MEI4: variants seen among roughly 807,000 people sequenced by gnomAD.
MEI4 encodes the protein meiotic double-stranded break formation protein 4.
MEI4 carries 27 observed loss-of-function variants against 31.4 expected under a neutral mutation model. That is an observed-to-expected ratio of 0.86 (90% confidence interval 0.63 to 1.19). The LOEUF is 1.19. Ranked by LOEUF, MEI4 falls within the 50% of genes most tolerant of loss-of-function variation. The pLI, the probability that MEI4 is intolerant of heterozygous loss-of-function variation, is 0.00. For synonymous variants in MEI4, 122 were observed against 145.4 expected (o/e 0.84, Z 1.16); for missense variants, 329 against 398.9 (o/e 0.82, Z 1.49).
chr6:77,859,060 C>G (rs1221672537), intron 4 of MEI4, among the ~76,000 whole-genome samples: 2 of 152,130 alleles, frequency 1.3e-5, no homozygotes, highest in Admixed American at 6.5e-5. Context: ...GTGTGTTGTT[C>G]CCCTGTCTGT....
At chr6:77,750,628 T>C (rs1767744679) in intron 2 of MEI4, among the ~76,000 whole-genome samples, 1 of 152,124 alleles carries the variant, frequency 6.6e-6, no homozygotes, top group South Asian at 2.1e-4. Context: ...AGCAAGTTCT[T>C]AGCGACCTAC....
intron 2 of MEI4, among the ~76,000 whole-genome samples, chr6:77,756,927 C>T (rs1054509040): frequency 3.9e-5 from 6 of 152,144 alleles, no homozygotes; most frequent in Admixed American, 2.6e-4. Flanking sequence ...AGAGACAGGG[C>T]CTCTGGCCTT....
At chr6:77,793,563 C>G (rs1444547363) in intron 3 of MEI4, among the ~76,000 whole-genome samples, 1 of 151,944 alleles carries the variant, frequency 6.6e-6, no homozygotes, top group East Asian at 1.9e-4. Flanking sequence ...AGAAAATTGT[C>G]AAATATAATT....
chr6:77,665,595 C>T (rs111341290), intron 1 of MEI4, among the ~76,000 whole-genome samples: 6 of 152,290 alleles, frequency 3.9e-5, no homozygotes, highest in Admixed American at 1.3e-4. Flanking sequence ...GGTGTCCCTG[C>T]GTGGTCTGAC....
intron 2 of MEI4, among the ~76,000 whole-genome samples, chr6:77,752,499 C>G (rs955067488): frequency 6.6e-6 from 1 of 151,958 alleles, no homozygotes; most frequent in Non-Finnish European, 1.5e-5. Context: ...GAGTGAACTC[C>G]CATTCACAAT....
chr6:77,901,558 C>A (rs1002122723), intron 4 of MEI4, among the ~76,000 whole-genome samples: 3 of 151,858 alleles, frequency 2.0e-5, no homozygotes, highest in African/African-American at 7.2e-5. Flanking sequence ...TTTAATCAGG[C>A]TGTTTATTTT....
chr6:77,922,598 A>G (rs912759847), intron 4 of MEI4, among the ~76,000 whole-genome samples: 3 of 151,680 alleles, frequency 2.0e-5, no homozygotes, highest in Non-Finnish European at 2.9e-5. Flanking sequence ...TCTCATGACT[A>G]TGTATATGAT....
chr6:77,783,962 A>T (rs1327519077), intron 3 of MEI4, among the ~76,000 whole-genome samples: 1 of 152,162 alleles, frequency 6.6e-6, no homozygotes, highest in Non-Finnish European at 1.5e-5. Flanking sequence ...TAGCAATCTA[A>T]TCTTAAATAA....
chr6:77,733,047 T>G (rs1014171285), intron 2 of MEI4, among the ~76,000 whole-genome samples: 1 of 151,938 alleles, frequency 6.6e-6, no homozygotes, highest in Non-Finnish European at 1.5e-5. Context: ...TATTGAGGAT[T>G]TTTGCATCAA....
In MEI4 at chr6:77,924,798, A is replaced by G. The variant is rs552984122; in HGVS notation, c.*1452A>G. 4 of 151,938 alleles carry G rather than the reference A, an allele frequency of 2.6e-5. No individual in the cohort carries two copies. The highest frequency in any genetic ancestry group is 3.4e-3 in the Middle Eastern group (1 of 294). The allele number at this position is 151,938 out of a possible 1,614,324, so 9.4% of individuals were successfully genotyped here. ...CCACATGCATTGTCAAAGTACATCA[A>G]ATGGTCAAGCCCAAAGAAAAGTGAC... On this transcript the variant is annotated 3_prime_UTR_variant, in exon 5 of 5. Coordinates refer to ENST00000684080, the MANE Select transcript of MEI4 (RefSeq NM_001322247.2).
intron 3 of MEI4, among the ~76,000 whole-genome samples, chr6:77,799,121 T>C (rs1475037941): frequency 9.2e-4 from 140 of 152,148 alleles, no homozygotes; most frequent in African/African-American, 2.9e-3. Context: ...AGTGTCAAAG[T>C]GTTCCTATTT....
chr6:77,697,805 C>T (rs556036556), intron 2 of MEI4, among the ~76,000 whole-genome samples: 1 of 152,276 alleles, frequency 6.6e-6, no homozygotes, highest in South Asian at 2.1e-4. Context: ...GAGCTGAGTT[C>T]AATTCCTGGG....
chr6:77,735,774 T>G (rs1220096022), intron 2 of MEI4, among the ~76,000 whole-genome samples: 1 of 152,082 alleles, frequency 6.6e-6, no homozygotes, highest in African/African-American at 2.4e-5. Context: ...TTTATCTATT[T>G]TTGGTCTTTG....
chr6:77,743,714 C>A lies in MEI4; in HGVS notation c.233-17416C>A, dbSNP rs189572235. ...CCCCGAGCAGCCTAACTGGGAGGCA[C>A]CCCCCAGTAGGGGCAGACTGACACC... On this transcript the variant is annotated intron_variant, in intron 2 of 4. Transcript: ENST00000684080. 1.4e-3 allele frequency among the ~76,000 whole-genome samples: 214 copies of A among 152,240 alleles called. 1 individual carries two copies. The highest frequency in any genetic ancestry group is 4.5e-3 in the African/African-American group (187 of 41,554).
rs561872233 is a variant in MEI4, at chr6:77,711,235, T to C, written c.232+20332T>C. Among the ~76,000 whole-genome samples, 5 of 152,274 alleles carry C rather than the reference T, an allele frequency of 3.3e-5. No homozygotes were observed. The Middle Eastern group carries it at 0.014, about 414-fold the overall frequency. On this transcript the variant is annotated intron_variant, in intron 2 of 4. Coordinates refer to ENST00000684080, the MANE Select transcript of MEI4 (RefSeq NM_001322247.2). Reference sequence around the variant, plus strand: ...CATGAAAATTGCCAAGAGTAGATACTGAATAGTCTTACCACAGAAAATGCT... The same window carrying C: ...CATGAAAATTGCCAAGAGTAGATACCGAATAGTCTTACCACAGAAAATGCT...
chr6:77,888,819 C>T (rs540569454), intron 4 of MEI4, among the ~76,000 whole-genome samples: 13 of 152,120 alleles, frequency 8.5e-5, no homozygotes, highest in Admixed American at 2.6e-4. Flanking sequence ...GTGGGAGGGA[C>T]CCAGTGGGAA....
chr6:77,706,630 G>A (rs1227936654), intron 2 of MEI4, among the ~76,000 whole-genome samples: 1 of 152,150 alleles, frequency 6.6e-6, no homozygotes, highest in Non-Finnish European at 1.5e-5. Flanking sequence ...CAATGTTGGA[G>A]GTGGGCCTAG....
At chr6:77,694,843 C>T (rs1340834155) in intron 2 of MEI4, among the ~76,000 whole-genome samples, 1 of 151,394 alleles carries the variant, frequency 6.6e-6, no homozygotes, top group Non-Finnish European at 1.5e-5. Flanking sequence ...GCCACACTGA[C>T]TTCCACAATG....
intron 4 of MEI4, among the ~76,000 whole-genome samples, chr6:77,843,495 C>T (rs1770411682): frequency 6.6e-6 from 1 of 150,568 alleles, no homozygotes; most frequent in Middle Eastern, 3.4e-3. Flanking sequence ...TGAGAAAAAC[C>T]AACCAAGGGG....
Sources: allele counts gnomAD v4.1 joint callset (sites outside exome capture counted in the v4.1 genomes callset), GRCh38; gene constraint gnomAD v4.1.1; transcripts MANE v1.5; gene names NCBI Gene and HGNC (gene_info 2026-07-23, HGNC 2026-07-21).